The following KIRREL3 variants were observed in gnomAD, a reference collection of about 807,000 sequenced individuals.
KIRREL3 encodes kirre like nephrin family adhesion molecule 3.
A neutral mutation model predicts 89.7 loss-of-function variants in KIRREL3; 36 were observed. The ratio of observed to expected loss-of-function variants is 0.40; its 90% CI spans 0.31 to 0.53. The LOEUF is 0.53. Among genes scored for constraint, KIRREL3 ranks in the 20% least tolerant of loss-of-function variants. The pLI is 0.49. For missense variants in KIRREL3, 864 were observed against 1,056.6 expected, an observed-to-expected ratio of 0.82 and a Z score of 2.53; for synonymous variants, 445 against 441.4, an observed-to-expected ratio of 1.01 and a Z score of -0.10.
At chr11:126,720,616 G>A (rs916781425) in intron 1 of KIRREL3, among the ~76,000 whole-genome samples, 1 of 152,232 alleles carries the variant, frequency 6.6e-6, no homozygotes, top group Admixed American at 6.5e-5. Context: ...CAGTGTAGGT[G>A]AAGACATTCA....
At chr11:126,507,333 T>A (rs1461129675) in intron 4 of KIRREL3, among the ~76,000 whole-genome samples, 1 of 152,136 alleles carries the variant, frequency 6.6e-6, no homozygotes, top group Non-Finnish European at 1.5e-5. Flanking sequence ...AATGGATGAA[T>A]TTAATGATAA....
Position 126,696,276 on chromosome 11 carries a change from A to AT in KIRREL3, c.56-133365_56-133364insA, listed in dbSNP as rs1947092303. 6.6e-6 allele frequency among the ~76,000 whole-genome samples: 1 copy of AT among 150,738 alleles called. No homozygotes were observed. The highest frequency in any genetic ancestry group is 1.5e-5 in the Non-Finnish European group (1 of 67,718). ...TATCTCAATTAAAAAAAAAAAAAAA[A>AT]GCCTGGATGGCCTAGTGCTTCCTTA... is the stretch of plus-strand genomic sequence containing the variant. On this transcript the variant is annotated intron_variant, in intron 1 of 16. Coordinates refer to ENST00000525144, the MANE Select transcript of KIRREL3 (RefSeq NM_032531.4). The surrounding 1 kb of genome is among the most constrained non-coding windows in gnomAD (Gnocchi z 4.4).
At position 126,568,787 on chromosome 11, in the gene KIRREL3, G is replaced by T. The variant is rs1226141399; in HGVS notation, c.56-5875C>A. ...TGCCCAGAATGAAGTACCTAATAAG[G>T]GTGAGTTCAATAAATAGAAACAAAA... On this transcript the variant is annotated intron_variant, in intron 1 of 16. Transcript: ENST00000525144. The surrounding 1 kb of genome is among the most constrained non-coding windows in gnomAD (Gnocchi z 4.6). Among the ~76,000 whole-genome samples, 1 of 152,020 alleles carries T rather than the reference G, an allele frequency of 6.6e-6. No individual in the cohort carries two copies. Among genetic ancestry groups the T allele is most frequent in the East Asian group, 1.9e-4 (1 of 5,174 alleles).
Position 126,474,692 on chromosome 11 carries a change from C to T in KIRREL3, c.434-1226G>A, listed in dbSNP as rs1007663191. On this transcript the variant is annotated intron_variant, in intron 4 of 16. Transcript: ENST00000525144. This position sits in a 1 kb window ranked among gnomAD's most constrained non-coding sequence, Gnocchi z 6.7. ...TGAGTGCCAGGAAGAGGGCCATCCG[C>T]GTCGGAGCACGGTCTCCGCAGTGCC... 2.0e-5 allele frequency among the ~76,000 whole-genome samples: 3 copies of T among 152,306 alleles called. No homozygotes were observed. The highest frequency in any genetic ancestry group is 4.4e-5 in the Non-Finnish European group (3 of 68,022).
chr11:126,779,534 A>T (rs1280530314), intron 1 of KIRREL3, among the ~76,000 whole-genome samples: 1 of 152,148 alleles, frequency 6.6e-6, no homozygotes, highest in Non-Finnish European at 1.5e-5. Context: ...TCATTATAAC[A>T]CATCTCTCAT....
At chr11:126,543,170 A>G (rs572091079) in intron 2 of KIRREL3, among the ~76,000 whole-genome samples, 3 of 152,302 alleles carry the variant, frequency 2.0e-5, no homozygotes, top group African/African-American at 7.2e-5. Context: ...GTCTGCATCA[A>G]TCAAAGAGAA....
chr11:126,482,945 C>T (rs1392870499), intron 4 of KIRREL3, among the ~76,000 whole-genome samples: 3 of 152,232 alleles, frequency 2.0e-5, no homozygotes, highest in African/African-American at 7.2e-5. Context: ...TATGCAGTAT[C>T]TGCATTCAGA....
At chr11:126,451,625 T>TCCATGTGCATGTGTGC (rs1486167739) in intron 7 of KIRREL3, among the ~76,000 whole-genome samples, 2 of 149,654 alleles carry the variant, frequency 1.3e-5, no homozygotes, top group African/African-American at 2.5e-5. Flanking sequence ...TGCATGTGTG[T>TCCATGTGCATGTGTGC]CCATGTGCAT....
intron 1 of KIRREL3, among the ~76,000 whole-genome samples, chr11:126,923,125 T>TCTC (rs1314657305): frequency 0.033 from 1,474 of 44,714 alleles, 242 homozygotes; most frequent in African/African-American, 0.062. Flanking sequence ...TCCTTCTCCT[T>TCTC]CTTCTCTTCT....
rs914516840 is a variant in KIRREL3 at position 126,508,866 on chromosome 11, C to T, written c.433+12449G>A. Reference sequence around the variant, plus strand: ...TGCGAGTGGGTTCCTCAGCACAGTGCCTGTCATAGAGTGGCAGCTCACCAG... The same window carrying T: ...TGCGAGTGGGTTCCTCAGCACAGTGTCTGTCATAGAGTGGCAGCTCACCAG... On this transcript the variant is annotated intron_variant, in intron 4 of 16. Coordinates refer to ENST00000525144, the MANE Select transcript of KIRREL3 (RefSeq NM_032531.4). This position sits in a 1 kb window ranked among gnomAD's most constrained non-coding sequence, Gnocchi z 4.9. Among the ~76,000 whole-genome samples the T allele has an allele frequency of 7.2e-5, 11 of 152,166 alleles. No individual in the cohort carries two copies. The highest frequency in any genetic ancestry group is 1.3e-4 in the Non-Finnish European group (9 of 68,038).
In KIRREL3 at chr11:126,953,523, A is replaced by G. The variant is rs1412837818; in HGVS notation, c.55+46932T>C. On this transcript the variant is annotated intron_variant, in intron 1 of 16. Coordinates refer to ENST00000525144, the MANE Select transcript of KIRREL3 (RefSeq NM_032531.4). This position sits in a 1 kb window ranked among gnomAD's most constrained non-coding sequence, Gnocchi z 5.2. ...AGAGTTTTGTTCATCTTTTCATAAT[A>G]AACGTGCTGATAGTTCCAAAGAGAA... is the stretch of plus-strand genomic sequence containing the variant. Among the ~76,000 whole-genome samples the G allele has an allele frequency of 6.6e-6, 1 of 152,174 alleles. No homozygotes were observed. Among genetic ancestry groups the G allele is most frequent in the Non-Finnish European group, 1.5e-5 (1 of 68,030 alleles).
chr11:126,533,203 G>A (rs906560523), intron 2 of KIRREL3, among the ~76,000 whole-genome samples: 5 of 152,272 alleles, frequency 3.3e-5, no homozygotes, highest in East Asian at 1.9e-4. Flanking sequence ...GATAGGTACC[G>A]TATCACACCT....
chr11:126,767,770 A>G (rs1406319716), intron 1 of KIRREL3, among the ~76,000 whole-genome samples: 1 of 152,206 alleles, frequency 6.6e-6, no homozygotes, highest in African/African-American at 2.4e-5. Flanking sequence ...AACTTGCCAT[A>G]AGAACCCAGC....
At chr11:126,984,428 T>C (rs757055574) in intron 1 of KIRREL3, among the ~76,000 whole-genome samples, 16 of 152,028 alleles carry the variant, frequency 1.1e-4, no homozygotes, top group Admixed American at 5.2e-4. Flanking sequence ...TCTTCCTTGA[T>C]TGACAGGGGG....
At chr11:126,510,647 T>C (rs1268182994) in intron 4 of KIRREL3, among the ~76,000 whole-genome samples, 2 of 152,146 alleles carry the variant, frequency 1.3e-5, no homozygotes, top group African/African-American at 4.8e-5. Context: ...TCTATTGTGC[T>C]TCTTTAGATA....
intron 7 of KIRREL3, among the ~76,000 whole-genome samples, chr11:126,456,040 T>A (rs1474201295): frequency 2.2e-5 from 1 of 45,716 alleles, no homozygotes; most frequent in East Asian, 3.1e-3. Context: ...TTTGTTTTCG[T>A]TTTTTTTTTT....
rs1194652842 is a variant in KIRREL3, at chr11:126,651,016, A to G, written c.56-88104T>C. 1.3e-5 allele frequency among the ~76,000 whole-genome samples: 2 copies of G among 152,036 alleles called. No individual in the cohort carries two copies. The highest frequency in any genetic ancestry group is 3.9e-4 in the East Asian group (2 of 5,168). Reference sequence around the variant, plus strand: ...ATCCCTGATAAAACCATCAGATCTCATGAGACACATTCACTTCCATGAGAA... The same window carrying G: ...ATCCCTGATAAAACCATCAGATCTCGTGAGACACATTCACTTCCATGAGAA... On this transcript the variant is annotated intron_variant, in intron 1 of 16. Coordinates refer to ENST00000525144, the MANE Select transcript of KIRREL3 (RefSeq NM_032531.4). The surrounding 1 kb of genome is among the most constrained non-coding windows in gnomAD (Gnocchi z 4.6).
Position 126,667,970 on chromosome 11 carries a change from G to A in KIRREL3, c.56-105058C>T, listed in dbSNP as rs559500563. The stretch of plus-strand genomic sequence containing the variant: ...GTAGCTTCTTTCTCTGGGGCAAGGG[G>A]CAAGGCTGTTTGGTCACACTGTTTA... On this transcript the variant is annotated intron_variant, in intron 1 of 16. Transcript: ENST00000525144. 3.3e-5 allele frequency among the ~76,000 whole-genome samples: 5 copies of A among 152,298 alleles called. No homozygotes were observed. The South Asian group carries it at 1.0e-3, about 32-fold the overall frequency.
At chr11:126,638,204 C>T (rs575453131) in intron 1 of KIRREL3, among the ~76,000 whole-genome samples, 1 of 152,200 alleles carries the variant, frequency 6.6e-6, no homozygotes, top group African/African-American at 2.4e-5. Flanking sequence ...GAATTTGGAA[C>T]ATTTAAGTAA....
Sources: allele counts gnomAD v4.1 joint callset (sites outside exome capture counted in the v4.1 genomes callset), GRCh38; gene constraint gnomAD v4.1.1; non-coding constraint Gnocchi (gnomAD v3.1); transcripts MANE v1.5; gene names NCBI Gene and HGNC (gene_info 2026-07-23, HGNC 2026-07-21).